SPRED1: variants seen among roughly 807,000 people sequenced by gnomAD.
SPRED1 encodes the protein sprouty-related, EVH1 domain-containing protein 1.
A neutral mutation model predicts 52.3 loss-of-function variants in SPRED1; 18 were observed. That is an observed-to-expected ratio of 0.34 (90% CI 0.24 to 0.51). The LOEUF (loss-of-function observed/expected upper bound fraction) is 0.51. Among genes scored for constraint, SPRED1 ranks in the 20% least tolerant of loss-of-function variants. SPRED1 has a pLI of 0.97. For synonymous variants in SPRED1, 155 were observed against 179.7 expected (o/e 0.86, Z 1.10); for missense variants, 485 against 551.0 (o/e 0.88, Z 1.20).
Position 38,352,414 on chromosome 15 carries a change from A to C in SPRED1, c.*750A>C, listed in dbSNP as rs1268140597. ...ACATTCTGGTAATCTAAAATCCTTA[A>C]AAATACTCTAATAGCCTTGAGTGAC... On this transcript the variant is annotated 3_prime_UTR_variant, in exon 7 of 7. Coordinates refer to ENST00000299084, the MANE Select transcript of SPRED1 (RefSeq NM_152594.3). 1 of 152,540 alleles carries C rather than the reference A, an allele frequency of 6.6e-6. No homozygotes were observed. The highest frequency in any genetic ancestry group is 1.5e-5 in the Non-Finnish European group (1 of 68,000). The allele number at this position is 152,540 out of a possible 1,614,324, so 9.4% of individuals were successfully genotyped here.
chr15:38,338,331 T>C (rs977279636), intron 4 of SPRED1, among the ~76,000 whole-genome samples: 2 of 146,110 alleles, frequency 1.4e-5, no homozygotes, highest in African/African-American at 2.5e-5. Flanking sequence ...TTCTATTCAG[T>C]TTGCTTATGA....
chr15:38,258,943 G>A (rs909929222), intron 1 of SPRED1, among the ~76,000 whole-genome samples: 1 of 152,148 alleles, frequency 6.6e-6, no homozygotes. Flanking sequence ...CCTGGGCTCT[G>A]TAGGCCTCAG....
rs778423017 is a variant in SPRED1 at position 38,351,194 on chromosome 15, AAATCAGACT to A, written c.867_875del (p.Lys289_Tyr292delinsAsn). ...TCAGTTTTCTAAACCAGACAGTAAA[AAATCAGACT>A]ATCTGTACTCTTGTGGGGATGAGAC... On this transcript the variant is annotated inframe_deletion, in exon 7 of 7. Transcript: ENST00000299084. 2 of 1,614,154 alleles carry A rather than the reference AAATCAGACT, an allele frequency of 1.2e-6. No individual in the cohort carries two copies. Among genetic ancestry groups the A allele is most frequent in the Non-Finnish European group, 1.7e-6 (2 of 1,180,026 alleles).
chr15:38,273,492 G>C (rs1894481595), intron 1 of SPRED1, among the ~76,000 whole-genome samples: 1 of 147,048 alleles, frequency 6.8e-6, no homozygotes, highest in African/African-American at 2.5e-5. Context: ...TTTAACCTTA[G>C]CCTTAATTTT....
At chr15:38,310,153 G>GTGTGTGTGTGTGTGTGTGTGTGTGTGT (rs373463622) in intron 2 of SPRED1, among the ~76,000 whole-genome samples, 9 of 132,184 alleles carry the variant, frequency 6.8e-5, no homozygotes, top group Admixed American at 1.6e-4. Flanking sequence ...GTGTGTGTGT[G>GTGTGTGTGTGTGTGTGTGTGTGTGTGT]TTTGGAGACG....
chr15:38,253,025 G>T lies in SPRED1; in HGVS notation c.-161G>T. The T allele has an allele frequency of 1.5e-6, 1 of 686,074 alleles. No individual in the cohort carries two copies. Among genetic ancestry groups the T allele is most frequent in the Non-Finnish European group, 2.6e-6 (1 of 383,254 alleles). The allele number at this position is 686,074 out of a possible 1,614,324, so 42.5% of individuals were successfully genotyped here. On this transcript the variant is annotated 5_prime_UTR_variant, in exon 1 of 7. Coordinates refer to ENST00000299084, the MANE Select transcript of SPRED1 (RefSeq NM_152594.3). ...CGGGGGTGGCCGGGGTTCCCGGCTG[G>T]GGGGGTACCGTTCTGGGTGAGGCAT...
intron 4 of SPRED1, among the ~76,000 whole-genome samples, chr15:38,329,149 CA>C (rs1173589013): frequency 6.6e-6 from 1 of 152,092 alleles, no homozygotes; most frequent in African/African-American, 2.4e-5. Context: ...ACAAAACCCA[CA>C]AAACTTACCT....
chr15:38,278,938 C>T (rs944493246), intron 1 of SPRED1, among the ~76,000 whole-genome samples: 1 of 150,182 alleles, frequency 6.7e-6, no homozygotes, highest in Admixed American at 6.7e-5. Context: ...AGTGATTCTC[C>T]TGCCTCAGCC....
At chr15:38,298,511 T>TA (rs778713987) in intron 1 of SPRED1, 31 of 324,714 alleles carry the variant, frequency 9.5e-5, no homozygotes, top group South Asian at 2.1e-4. Flanking sequence ...ACTACTTAGT[T>TA]AAAAAAAATT....
chr15:38,276,461 A>G (rs533985997), intron 1 of SPRED1, among the ~76,000 whole-genome samples: 29 of 152,250 alleles, frequency 1.9e-4, no homozygotes, highest in African/African-American at 6.7e-4. Context: ...TCATAATTGT[A>G]ACATTATACA....
chr15:38,291,671 A>T (rs1335971200), intron 1 of SPRED1, among the ~76,000 whole-genome samples: 6 of 152,186 alleles, frequency 3.9e-5, no homozygotes, highest in Non-Finnish European at 1.5e-5. Context: ...TGGGACTTCC[A>T]CCCTCTGAAG....
chr15:38,347,204 C>T (rs1446429519), intron 5 of SPRED1, among the ~76,000 whole-genome samples: 1 of 152,050 alleles, frequency 6.6e-6, no homozygotes, highest in East Asian at 1.9e-4. Context: ...TTTGATTTCT[C>T]TTCTATGGTA....
At chr15:38,340,441 GCATA>G (rs1896004527) in intron 5 of SPRED1, among the ~76,000 whole-genome samples, 1 of 152,006 alleles carries the variant, frequency 6.6e-6, no homozygotes, top group South Asian at 2.1e-4. Flanking sequence ...ATACATTCAA[GCATA>G]CATAAGATTC....
intron 2 of SPRED1, among the ~76,000 whole-genome samples, chr15:38,309,704 C>A (rs1895323024): frequency 6.6e-6 from 1 of 152,074 alleles, no homozygotes. Context: ...GTGTTTTTTT[C>A]CTGAAAGTTT....
intron 1 of SPRED1, among the ~76,000 whole-genome samples, chr15:38,280,946 C>G (rs1894674396): frequency 1.3e-5 from 2 of 152,160 alleles, no homozygotes; most frequent in African/African-American, 4.8e-5. Context: ...ACATATGTAA[C>G]CATTGTGATA....
chr15:38,253,206 T>A lies in SPRED1; in HGVS notation c.21T>A (p.Thr7=), dbSNP rs1220734936. ...GAAAGATGAGCGAGGAGACGGCGAC[T>A]TCTGACAACGAGTAAGCGCCTCATT... The part of the protein sequence containing the change: MSEETA[T]SDNDNSYARV... Residue 7 remains threonine, a synonymous_variant, in exon 1 of 7, where the codon ACT becomes ACA. Coordinates refer to ENST00000299084, the MANE Select transcript of SPRED1 (RefSeq NM_152594.3). The A allele has an allele frequency of 6.3e-6, 10 of 1,580,230 alleles. No individual in the cohort carries two copies. Among genetic ancestry groups the A allele is most frequent in the Non-Finnish European group, 8.6e-6 (10 of 1,161,920 alleles).
At chr15:38,348,479 T>A (rs1162755936) in intron 5 of SPRED1, among the ~76,000 whole-genome samples, 8 of 151,888 alleles carry the variant, frequency 5.3e-5, no homozygotes, top group African/African-American at 7.3e-5. Flanking sequence ...CACTAAAAAA[T>A]TTTTTTTATG....
chr15:38,273,520 A>AATATATAT (rs58636340), intron 1 of SPRED1, among the ~76,000 whole-genome samples: 19 of 142,974 alleles, frequency 1.3e-4, no homozygotes, highest in African/African-American at 4.4e-4. Context: ...ATGTATTATT[A>AATATATAT]ATATATATAT....
At chr15:38,284,713 A>G (rs1403780915) in intron 1 of SPRED1, among the ~76,000 whole-genome samples, 2 of 152,124 alleles carry the variant, frequency 1.3e-5, no homozygotes, top group African/African-American at 2.4e-5. Flanking sequence ...TTACTTCACT[A>G]TTCCTTGAGT....
Sources: gnomAD v4.1 joint callset for allele counts (sites outside exome capture counted in the v4.1 genomes callset) on GRCh38, gnomAD v4.1.1 for gene constraint, MANE v1.5 for transcripts, NCBI Gene and HGNC (gene_info 2026-07-23, HGNC 2026-07-21) for gene names.